The following ANKLE2 variants were observed in gnomAD, a reference collection of about 807,000 sequenced individuals.
ANKLE2 encodes the protein ankyrin repeat and LEM domain containing 2.
A neutral mutation model predicts 84.2 loss-of-function variants in ANKLE2; 55 were observed. The ratio of observed to expected loss-of-function variants is 0.65; its 90% CI spans 0.53 to 0.82. The LOEUF is 0.82. ANKLE2 is among the 40% of genes least tolerant of loss of function. The pLI, the probability that ANKLE2 is intolerant of heterozygous loss-of-function variation, is 0.00. For missense variants in ANKLE2, 1,238 were observed against 1,201.9 expected, an observed-to-expected ratio of 1.03 and a Z score of -0.44; for synonymous variants, 551 against 486.1, an observed-to-expected ratio of 1.13 and a Z score of -1.76.
At chr12:132,754,565 G>T in intron 2 of ANKLE2, 110 bp downstream of exon 2, 1 of 1,046,082 alleles carries the variant, frequency 9.6e-7, no homozygotes, top group East Asian at 2.5e-5. Flanking sequence ...TGAGATGGAG[G>T]GGATTGGATT....
chr12:132,755,874 C>G (rs1382232208), intron 1 of ANKLE2: 1 of 150,652 alleles, frequency 6.6e-6, no homozygotes, highest in Non-Finnish European at 1.5e-5. Context: ...CGGAGTCTCG[C>G]TCTGTCACCA....
intron 2 of ANKLE2, 197 bp from the exon 3 acceptor site, chr12:132,751,046 T>G (rs926321321): frequency 5.1e-6 from 3 of 583,580 alleles, no homozygotes; most frequent in Admixed American, 3.1e-5. Flanking sequence ...TGTGCATATA[T>G]GCATGTAACA....
chr12:132,755,230 TTC>T (rs1246599536), intron 1 of ANKLE2, 97 bp from the exon 2 acceptor site: 4 of 1,186,018 alleles, frequency 3.4e-6, no homozygotes, highest in South Asian at 1.5e-5. Context: ...TGGCATCAGT[TTC>T]TGTTTCTTTC....
At position 132,727,033 on chromosome 12, in the gene ANKLE2, TGA is replaced by T. The variant is rs1482625452; in HGVS notation, c.*207_*208del. ...GGATATTTTCCAGAAAATTGGTAAC[TGA>T]GTTTGCTTTCATTAACTTCTAACTT... On this transcript the variant is annotated 3_prime_UTR_variant, in exon 13 of 13. Coordinates refer to ENST00000357997, the MANE Select transcript of ANKLE2 (RefSeq NM_015114.3). 1.7e-6 allele frequency: 1 copy of T among 604,094 alleles called. No individual in the cohort carries two copies. The highest frequency in any genetic ancestry group is 3.3e-5 in the South Asian group (1 of 30,322). 37.4% of individuals were successfully genotyped at this position (604,094 alleles called of 1,614,324 possible). A position where few individuals can be genotyped will look rare whatever the true frequency, so the allele number is the denominator to read the frequency against.
At position 132,726,892 on chromosome 12, in the gene ANKLE2, A is replaced by C; in HGVS notation, c.*350T>G. 1 of 217,714 alleles carries C rather than the reference A, an allele frequency of 4.6e-6. No individual in the cohort carries two copies. Among genetic ancestry groups the C allele is most frequent in the Non-Finnish European group, 9.0e-6 (1 of 110,654 alleles). The allele number at this position is 217,714 out of a possible 1,614,324, so 13.5% of individuals were successfully genotyped here. ...CCTCCTCATCCACAGCGTCTGTCGG[A>C]TGAGGTGAGTACAGGGTAAGTACAG... On this transcript the variant is annotated 3_prime_UTR_variant, in exon 13 of 13. Transcript: ENST00000357997.
rs758871645 is a variant in ANKLE2 at position 132,743,203 on chromosome 12, T to C, written c.1304A>G (p.His435Arg). ...ATTCCTTGAGTTTTTTACAATCAAA[T>C]GGTGTGACGAAAGCACGTTGACTAC... ...ADVVNVLSSH[H>R]LIVKNSRNKY... The change falls in exon 6 of 13, where the codon CAT (histidine) becomes CGT (arginine). Residue 435 changes from histidine (H) to arginine (R), a missense_variant. Physicochemically the swap from His to Arg is conservative, Grantham distance 29. Around this residue, in one of 3 missense-constraint regions of ANKLE2, gnomAD observed 802 missense variants for 774.5 expected, o/e 1.04. Transcript: ENST00000357997. This position sits in a 1 kb window ranked among gnomAD's most constrained non-coding sequence, Gnocchi z 4.1. 2 of 1,612,234 alleles carry C rather than the reference T, an allele frequency of 1.2e-6. No homozygotes were observed. The highest frequency in any genetic ancestry group is 1.3e-5 in the African/African-American group (1 of 74,916).
intron 7 of ANKLE2, 28 bp from the exon 8 acceptor site, chr12:132,737,093 A>G (rs751675001): frequency 4.5e-6 from 7 of 1,568,392 alleles, no homozygotes; most frequent in Admixed American, 3.5e-5. Flanking sequence ...CACTGGCTGC[A>G]GGCTTCCGCC....
In ANKLE2 at chr12:132,735,826, C is replaced by T. The variant is rs11147035; in HGVS notation, c.1594-314G>A. ...AGTGGACGGCTCGGAGCTGCCACCCCGACGCACATGTGACACTGCTCCCAT... is the reference window on the plus strand; with the variant it reads ...AGTGGACGGCTCGGAGCTGCCACCCTGACGCACATGTGACACTGCTCCCAT... On this transcript the variant is annotated intron_variant, in intron 8 of 12. Coordinates refer to ENST00000357997, the MANE Select transcript of ANKLE2 (RefSeq NM_015114.3). Among the ~76,000 whole-genome samples the T allele has an allele frequency of 0.15, 23,267 of 152,194 alleles. 2,520 individuals carry two copies. The highest frequency in any genetic ancestry group is 0.51 in the East Asian group (2,652 of 5,174).
chr12:132,730,154 C>G lies in ANKLE2; in HGVS notation c.2008G>C (p.Gly670Arg). Reference protein sequence around the residue: ...NNSPPTVGAFGHTRCSAFPLE... With the variant: ...NNSPPTVGAFRHTRCSAFPLE... Reference sequence around the variant, plus strand: ...GGGAAGGCGCTGCACCTCGTATGTCCAAAAGCACCGACTGTGGGCGGGCTG... The same window carrying G: ...GGGAAGGCGCTGCACCTCGTATGTCGAAAAGCACCGACTGTGGGCGGGCTG... Residue 670 changes from glycine to arginine, a missense_variant, in exon 11 of 13, where the codon GGA (glycine) becomes CGA (arginine). Transcript: ENST00000357997. The G allele has an allele frequency of 1.2e-6, 2 of 1,611,614 alleles. No individual in the cohort carries two copies. Among genetic ancestry groups the G allele is most frequent in the Non-Finnish European group, 1.7e-6 (2 of 1,179,076 alleles).
rs752062416 is a variant in ANKLE2 at position 132,743,007 on chromosome 12, C to T, written c.1353+147G>A. Reference sequence around the variant, plus strand: ...TCTTCACAAAGTGCATCTTACTCAACAGCCAAGGTTCTAACATGTGCCCAT... The same window carrying T: ...TCTTCACAAAGTGCATCTTACTCAATAGCCAAGGTTCTAACATGTGCCCAT... On this transcript the variant is annotated intron_variant, in intron 6 of 12. Transcript: ENST00000357997. The surrounding 1 kb of genome is among the most constrained non-coding windows in gnomAD (Gnocchi z 4.1). 4.7e-6 allele frequency: 3 copies of T among 635,464 alleles called. No individual in the cohort carries two copies. Among genetic ancestry groups the T allele is most frequent in the Non-Finnish European group, 7.3e-6 (3 of 411,020 alleles). The allele number at this position is 635,464 out of a possible 1,614,324, so 39.4% of individuals were successfully genotyped here.
Position 132,743,153 on chromosome 12 carries a change from C to T in ANKLE2, c.1353+1G>A, listed in dbSNP as rs1378177977. 3 of 1,602,448 alleles carry T rather than the reference C, an allele frequency of 1.9e-6. No individual in the cohort carries two copies. Among genetic ancestry groups the T allele is most frequent in the East Asian group, 2.2e-5 (1 of 44,602 alleles). Reference sequence around the variant, plus strand: ...GCAACTGCATTGTAATAAGTACTTACATCTTCAGGTGTTTTATCATATTTA... The same window carrying T: ...GCAACTGCATTGTAATAAGTACTTATATCTTCAGGTGTTTTATCATATTTA... On this transcript the variant is annotated splice_donor_variant, in intron 6 of 12. Coordinates refer to ENST00000357997, the MANE Select transcript of ANKLE2 (RefSeq NM_015114.3). LOFTEE classifies it high-confidence loss of function. The surrounding 1 kb of genome is among the most constrained non-coding windows in gnomAD (Gnocchi z 4.1).
Position 132,739,617 on chromosome 12 carries a change from C to T in ANKLE2, c.1420+1802G>A, listed in dbSNP as rs747015173. On this transcript the variant is annotated intron_variant, in intron 7 of 12. Transcript: ENST00000357997. ...AATTTCTGTCTACAGATGGGACTCA[C>T]GGTCTCTGGACAGTTTTGTGCCTGG... Among the ~76,000 whole-genome samples the T allele has an allele frequency of 6.6e-4, 101 of 152,226 alleles. 1 individual carries two copies. Among genetic ancestry groups the T allele is most frequent in the Non-Finnish European group, 2.2e-4 (15 of 68,028 alleles).
At position 132,729,902 on chromosome 12, in the gene ANKLE2, C is replaced by A. The variant is rs200253935; in HGVS notation, c.2260G>T (p.Glu754Ter). 5 of 1,613,696 alleles carry A rather than the reference C, an allele frequency of 3.1e-6. No homozygotes were observed. The highest frequency in any genetic ancestry group is 4.2e-6 in the Non-Finnish European group (5 of 1,179,880). Residue 754 changes from glutamate to a stop codon, truncating the protein, a stop_gained, in exon 11 of 13, where the codon GAA becomes TAA. Transcript: ENST00000357997. LOFTEE classifies it high-confidence loss of function. ...IGRSVSKTPD[E>*]STKTKDQILT... The stretch of plus-strand genomic sequence containing the variant: ...ATCTGATCTTTAGTTTTTGTACTTT[C>A]ATCTGGTGTCTTGGAAACGCTACGT...
chr12:132,754,022 C>T (rs1440703038), intron 2 of ANKLE2, among the ~76,000 whole-genome samples: 1 of 152,070 alleles, frequency 6.6e-6, no homozygotes, highest in Non-Finnish European at 1.5e-5. Context: ...GCAGGTGGAT[C>T]ATGAGGTCAG....
At chr12:132,761,525 T>C in intron 1 of ANKLE2, 93 bp downstream of exon 1, 3 of 1,070,460 alleles carry the variant, frequency 2.8e-6, no homozygotes, top group Non-Finnish European at 3.5e-6. Context: ...TGCTGCCGGC[T>C]CCAGGGGCGC....
intron 2 of ANKLE2, among the ~76,000 whole-genome samples, chr12:132,753,584 C>T (rs114607979): frequency 0.018 from 2,664 of 151,872 alleles, 96 homozygotes; most frequent in African/African-American, 0.062. Context: ...GCCAAAATCG[C>T]GAAACCTTGT....
At chr12:132,731,396 CTTAGT>C (rs894175509) in intron 10 of ANKLE2, 4 of 148,986 alleles carry the variant, frequency 2.7e-5, no homozygotes, top group African/African-American at 7.4e-5. Context: ...TTCACTGCTT[CTTAGT>C]TTAATGTATG....
intron 2 of ANKLE2, among the ~76,000 whole-genome samples, chr12:132,751,559 T>G (rs1049947605): frequency 6.6e-6 from 1 of 151,278 alleles, no homozygotes; most frequent in Admixed American, 6.6e-5. Context: ...CTGTTTTTTT[T>G]TGACATGGAG....
chr12:132,751,552 T>G (rs116154122), intron 2 of ANKLE2, among the ~76,000 whole-genome samples: 239 of 150,704 alleles, frequency 1.6e-3, no homozygotes, highest in African/African-American at 5.6e-3. Flanking sequence ...GGAATGGCTG[T>G]TTTTTTTTGA....
Sources: gnomAD v4.1 joint callset for allele counts (sites outside exome capture counted in the v4.1 genomes callset) on GRCh38, gnomAD v4.1.1 for gene constraint, gnomAD v4.1.1 regional missense constraint, Gnocchi (gnomAD v3.1) non-coding constraint, MANE v1.5 for transcripts, NCBI Gene and HGNC (gene_info 2026-07-23, HGNC 2026-07-21) for gene names.